The following TUBGCP3 variants were observed in gnomAD, a reference collection of about 807,000 sequenced individuals.
TUBGCP3 encodes the protein gamma-tubulin complex component 3.
TUBGCP3 carries 50 observed loss-of-function variants against 123.1 expected under a neutral mutation model. That is an observed-to-expected ratio of 0.41 (90% confidence interval 0.32 to 0.51). The LOEUF (loss-of-function observed/expected upper bound fraction) is 0.51. Ranked by LOEUF, TUBGCP3 falls within the 20% of genes least tolerant of loss-of-function variation. TUBGCP3 has a pLI of 0.36. For synonymous variants in TUBGCP3, 405 were observed against 413.9 expected, an observed-to-expected ratio of 0.98 and a Z score of 0.26; for missense variants, 882 against 1,127.0, an observed-to-expected ratio of 0.78 and a Z score of 3.11.
Position 112,554,869 on chromosome 13 carries a change from G to C in TUBGCP3, c.840+18C>G. ...TTTTCTTTCTGAATATTTTAACTTAGATTTTATGTTACTGTACCTTTCCTT... is the reference window on the plus strand; with the variant it reads ...TTTTCTTTCTGAATATTTTAACTTACATTTTATGTTACTGTACCTTTCCTT... On this transcript the variant is annotated intron_variant, in intron 7 of 21. Coordinates refer to ENST00000261965, the MANE Select transcript of TUBGCP3 (RefSeq NM_006322.6). 6.6e-7 allele frequency: 1 copy of C among 1,522,632 alleles called. No homozygotes were observed. The highest frequency in any genetic ancestry group is 9.0e-7 in the Non-Finnish European group (1 of 1,115,290). 94.3% of individuals were successfully genotyped at this position (1,522,632 alleles called of 1,614,324 possible). A position where few individuals can be genotyped will look rare whatever the true frequency, so the allele number is the denominator to read the frequency against.
chr13:112,539,266 T>C (rs1327003883), intron 11 of TUBGCP3, among the ~76,000 whole-genome samples: 1 of 152,192 alleles, frequency 6.6e-6, no homozygotes, highest in Admixed American at 6.5e-5. Flanking sequence ...TGAAGGTATT[T>C]GCCCAGGATA....
chr13:112,526,529 C>G (rs992425187), intron 13 of TUBGCP3, among the ~76,000 whole-genome samples: 1 of 151,138 alleles, frequency 6.6e-6, no homozygotes, highest in African/African-American at 2.4e-5. Context: ...CTGCCACCAC[C>G]ATGCCATCAT....
At chr13:112,542,199 G>A (rs1326115078) in intron 11 of TUBGCP3, among the ~76,000 whole-genome samples, 1 of 152,110 alleles carries the variant, frequency 6.6e-6, no homozygotes, top group African/African-American at 2.4e-5. Flanking sequence ...TTAACCACAA[G>A]ATCACTTAGA....
intron 20 of TUBGCP3, among the ~76,000 whole-genome samples, chr13:112,494,535 CT>C (rs1185855237): frequency 6.6e-6 from 1 of 152,262 alleles, no homozygotes; most frequent in Non-Finnish European, 1.5e-5. Context: ...TACCTGTGGG[CT>C]TCTGGACCTT....
At chr13:112,580,273 T>C (rs1222585556) in intron 1 of TUBGCP3, among the ~76,000 whole-genome samples, 1 of 151,972 alleles carries the variant, frequency 6.6e-6, no homozygotes, top group Non-Finnish European at 1.5e-5. Flanking sequence ...AAATGCAAGC[T>C]AGAAAATCAA....
upstream of TUBGCP3, among the ~76,000 whole-genome samples, chr13:112,590,841 C>T (rs1882870247): frequency 6.6e-6 from 1 of 152,190 alleles, no homozygotes; most frequent in South Asian, 2.1e-4. Flanking sequence ...ACTCCCTTGA[C>T]TGGAAGCTCT....
rs982080326 is a variant in TUBGCP3 at position 112,540,080 on chromosome 13, G to A, written c.1335+5619C>T. Among the ~76,000 whole-genome samples the A allele has an allele frequency of 1.1e-4, 16 of 148,070 alleles. No homozygotes were observed. In the South Asian group the frequency reaches 1.8e-3, roughly 16 times the overall value. On this transcript the variant is annotated intron_variant, in intron 11 of 21. Coordinates refer to ENST00000261965, the MANE Select transcript of TUBGCP3 (RefSeq NM_006322.6). The stretch of plus-strand genomic sequence containing the variant: ...GGAAAGGACACCTGGGAATGAGGAC[G>A]TCAATGTAGTAGCCCTATGAGCATT...
intron 17 of TUBGCP3, among the ~76,000 whole-genome samples, chr13:112,513,573 C>A (rs554177454): frequency 2.6e-5 from 4 of 152,164 alleles, no homozygotes; most frequent in Admixed American, 2.0e-4. Context: ...TACAAGGCCC[C>A]GTGGCAGCTG....
At chr13:112,567,288 C>T (rs1356343107) in intron 2 of TUBGCP3, among the ~76,000 whole-genome samples, 2 of 152,268 alleles carry the variant, frequency 1.3e-5, no homozygotes, top group African/African-American at 4.8e-5. Context: ...CGAATATCCA[C>T]TGCAACAAAG....
At chr13:112,502,542 C>CTTTTT (rs10710530) in intron 19 of TUBGCP3, among the ~76,000 whole-genome samples, 44 of 114,358 alleles carry the variant, frequency 3.8e-4, no homozygotes, top group African/African-American at 5.0e-4. Context: ...TACATTTCTT[C>CTTTTT]TTTTTTTTTT....
Position 112,537,824 on chromosome 13 carries a change from G to A in TUBGCP3, c.1335+7875C>T, listed in dbSNP as rs111847663. On this transcript the variant is annotated intron_variant, in intron 11 of 21. Transcript: ENST00000261965. The stretch of plus-strand genomic sequence containing the variant: ...TGATTCAATCTCTTTACCTGTTACA[G>A]GTCTATTCAGGTTTTCTATTTCTTT... Among the ~76,000 whole-genome samples, 1,429 of 152,216 alleles carry A rather than the reference G, an allele frequency of 9.4e-3. 21 individuals are homozygous for A. Among genetic ancestry groups the A allele is most frequent in the African/African-American group, 0.032 (1,343 of 41,524 alleles).
intron 11 of TUBGCP3, among the ~76,000 whole-genome samples, chr13:112,544,275 A>C (rs965576131): frequency 3.3e-5 from 5 of 152,020 alleles, no homozygotes; most frequent in Non-Finnish European, 7.4e-5. Context: ...AACACAGTGA[A>C]ACCCCGTCTC....
At chr13:112,504,485 C>CA (rs34264269) in intron 18 of TUBGCP3, 141 bp downstream of exon 18, 7,442 of 356,964 alleles carry the variant, frequency 0.021, 59 homozygotes, top group Middle Eastern at 0.042. Flanking sequence ...GACTCCATCT[C>CA]AAAAAAAAAA....
chr13:112,569,709 C>T (rs1226297743), intron 1 of TUBGCP3, among the ~76,000 whole-genome samples: 2 of 152,152 alleles, frequency 1.3e-5, no homozygotes, highest in African/African-American at 4.8e-5. Flanking sequence ...ACAGCTTAAA[C>T]GCATGTGCCT....
At chr13:112,501,866 C>T (rs1880928581) in intron 19 of TUBGCP3, among the ~76,000 whole-genome samples, 2 of 152,120 alleles carry the variant, frequency 1.3e-5, no homozygotes, top group African/African-American at 4.8e-5. Flanking sequence ...AAGATTTTCT[C>T]CCCCGGATAG....
intron 1 of TUBGCP3, among the ~76,000 whole-genome samples, chr13:112,571,718 TCACTTA>T (rs1265663337): frequency 1.3e-5 from 2 of 152,220 alleles, no homozygotes; most frequent in Non-Finnish European, 2.9e-5. Context: ...GAAGGGTGTT[TCACTTA>T]CACTGAAAAT....
In TUBGCP3 at chr13:112,485,079, GATA is replaced by G. The variant is rs1229763592; in HGVS notation, c.*911_*913del. 5 of 152,514 alleles carry G rather than the reference GATA, an allele frequency of 3.3e-5. No individual in the cohort carries two copies. Among genetic ancestry groups the G allele is most frequent in the African/African-American group, 4.8e-5 (2 of 41,416 alleles). The allele number at this position is 152,514 out of a possible 1,614,324, so 9.4% of individuals were successfully genotyped here. A position where few individuals can be genotyped will look rare whatever the true frequency, so the allele number is the denominator to read the frequency against. On this transcript the variant is annotated 3_prime_UTR_variant, in exon 22 of 22. Transcript: ENST00000261965. ...ACATAAAGGCAGATTTATGTGACCT[GATA>G]ATGACATTTTTACAAAAAACAATCC...
chr13:112,531,446 G>C (rs116524292), intron 11 of TUBGCP3, among the ~76,000 whole-genome samples: 1 of 152,074 alleles, frequency 6.6e-6, no homozygotes, highest in South Asian at 2.1e-4. Context: ...GAGTAATCTC[G>C]GCAGTGACGA....
chr13:112,575,496 A>G (rs900954815), intron 1 of TUBGCP3, among the ~76,000 whole-genome samples: 3 of 152,242 alleles, frequency 2.0e-5, no homozygotes, highest in Non-Finnish European at 4.4e-5. Flanking sequence ...ACAGACATTC[A>G]CAAATACATC....
Sources: gnomAD v4.1 joint callset for allele counts (sites outside exome capture counted in the v4.1 genomes callset) on GRCh38, gnomAD v4.1.1 for gene constraint, MANE v1.5 for transcripts, NCBI Gene and HGNC (gene_info 2026-07-23, HGNC 2026-07-21) for gene names.